The following VAT1L variants were observed in gnomAD, a reference collection of about 807,000 sequenced individuals.
The protein encoded by VAT1L is vesicle amine transport 1 like.
A neutral mutation model predicts 44.1 loss-of-function variants in VAT1L; 34 were observed. The ratio of observed to expected loss-of-function variants is 0.77; its 90% CI spans 0.59 to 1.03. The LOEUF (loss-of-function observed/expected upper bound fraction) is 1.03. Among genes scored for constraint, VAT1L ranks in the 50% least tolerant of loss-of-function variants. The pLI is 0.00. For missense variants in VAT1L, 615 were observed against 538.8 expected, an observed-to-expected ratio of 1.14 and a Z score of -1.40; for synonymous variants, 253 against 202.2, an observed-to-expected ratio of 1.25 and a Z score of -2.13.
Position 77,884,754 on chromosome 16 carries a change from C to A in VAT1L, c.1029C>A (p.Asn343Lys). 6.3e-7 allele frequency: 1 copy of A among 1,587,114 alleles called. No homozygotes were observed. Among genetic ancestry groups the A allele is most frequent in the South Asian group, 1.2e-5 (1 of 86,490 alleles). Residue 343 changes from asparagine to lysine, a missense_variant, in exon 7 of 9, where the codon AAC (asparagine) becomes AAA (lysine). Asn to Lys is a moderately conservative substitution (Grantham distance 94). Coordinates refer to ENST00000302536, the MANE Select transcript of VAT1L (RefSeq NM_020927.3). The surrounding 1 kb of genome is among the most constrained non-coding windows in gnomAD (Gnocchi z 4.5). ...GVVEKLIGLYNQKKIKPVVDS... is the reference protein window; with the variant it reads ...GVVEKLIGLYKQKKIKPVVDS... ...TGGAAAAACTCATAGGGCTCTACAA[C>A]CAGAAGAAGATCAAGCCTGTGGTGG... is the stretch of plus-strand genomic sequence containing the variant.
At chr16:77,838,795 TCTC>T (rs2016669077) in intron 3 of VAT1L, among the ~76,000 whole-genome samples, 1 of 151,654 alleles carries the variant, frequency 6.6e-6, no homozygotes, top group African/African-American at 2.4e-5. Flanking sequence ...TTTTTCTCTC[TCTC>T]ATTTCTTTCC....
intron 4 of VAT1L, among the ~76,000 whole-genome samples, chr16:77,864,489 T>G (rs1308349475): frequency 4.6e-5 from 7 of 152,048 alleles, no homozygotes; most frequent in African/African-American, 1.7e-4. Flanking sequence ...GCCTGTAGTC[T>G]CAGCTACTCA....
At chr16:77,823,942 G>C (rs1427250462) in intron 2 of VAT1L, among the ~76,000 whole-genome samples, 1 of 152,180 alleles carries the variant, frequency 6.6e-6, no homozygotes, top group Non-Finnish European at 1.5e-5. Context: ...ACAATCGCTT[G>C]TACCTGGGAG....
At chr16:77,891,380 G>T (rs1052810241) in intron 7 of VAT1L, among the ~76,000 whole-genome samples, 2 of 152,154 alleles carry the variant, frequency 1.3e-5, no homozygotes, top group African/African-American at 4.8e-5. Flanking sequence ...AAAAAATTCA[G>T]TTCCTCATGC....
intron 7 of VAT1L, among the ~76,000 whole-genome samples, chr16:77,891,996 C>T (rs1001523215): frequency 6.6e-6 from 1 of 152,114 alleles, no homozygotes; most frequent in Non-Finnish European, 1.5e-5. Flanking sequence ...CACTTGAACC[C>T]GGGAGGCGGA....
At chr16:77,834,284 G>C (rs2016615258) in intron 3 of VAT1L, among the ~76,000 whole-genome samples, 1 of 152,094 alleles carries the variant, frequency 6.6e-6, no homozygotes, top group African/African-American at 2.4e-5. Flanking sequence ...AAGGTGTGTG[G>C]CCCTTGCCTG....
chr16:77,856,122 G>A (rs773020403), intron 3 of VAT1L, among the ~76,000 whole-genome samples: 1 of 152,172 alleles, frequency 6.6e-6, no homozygotes, highest in Non-Finnish European at 1.5e-5. Flanking sequence ...TAAACCGGGA[G>A]AAAAGACAGG....
At chr16:77,860,459 C>T (rs2016904494) in intron 3 of VAT1L, among the ~76,000 whole-genome samples, 1 of 152,146 alleles carries the variant, frequency 6.6e-6, no homozygotes, top group Admixed American at 6.5e-5. Context: ...GCATTCATAG[C>T]ACAGTGCAAC....
chr16:77,970,051 TAAAA>T (rs36120858), intron 7 of VAT1L, among the ~76,000 whole-genome samples: 9 of 86,796 alleles, frequency 1.0e-4, no homozygotes, highest in Admixed American at 2.9e-4. Context: ...ACATCTCTAC[TAAAA>T]AAAAAAAAAA....
At chr16:77,874,484 T>A (rs1416370430) in intron 4 of VAT1L, among the ~76,000 whole-genome samples, 1 of 151,954 alleles carries the variant, frequency 6.6e-6, no homozygotes, top group Non-Finnish European at 1.5e-5. Context: ...CAAACACCCC[T>A]TTGTTTTCAT....
chr16:77,960,620 T>C (rs924214604), intron 7 of VAT1L, among the ~76,000 whole-genome samples: 1 of 152,078 alleles, frequency 6.6e-6, no homozygotes, highest in Non-Finnish European at 1.5e-5. Context: ...TCTAGCAGGA[T>C]CTCATTGGCC....
At chr16:77,844,630 A>G (rs1350225058) in intron 3 of VAT1L, among the ~76,000 whole-genome samples, 1 of 151,820 alleles carries the variant, frequency 6.6e-6, no homozygotes, top group Non-Finnish European at 1.5e-5. Context: ...GCTGGTCTCA[A>G]ACTCCTGACC....
chr16:77,825,016 G>A (rs1010967337), intron 2 of VAT1L, among the ~76,000 whole-genome samples: 6 of 151,558 alleles, frequency 4.0e-5, no homozygotes, highest in East Asian at 2.0e-4. Flanking sequence ...ACAGGCATGC[G>A]CCATCACGCC....
intron 7 of VAT1L, among the ~76,000 whole-genome samples, chr16:77,934,011 A>G (rs1236709541): frequency 6.6e-6 from 1 of 152,136 alleles, no homozygotes; most frequent in East Asian, 1.9e-4. Flanking sequence ...CTTTTCTATT[A>G]TTATTTCTGT....
At chr16:77,875,995 G>C (rs446889) in intron 4 of VAT1L, among the ~76,000 whole-genome samples, 149,189 of 152,290 alleles carry the variant, frequency 0.98, 73,164 homozygotes, top group East Asian at 1. Flanking sequence ...CTTTTGTTGC[G>C]TCATTTCATT....
At chr16:77,938,041 C>G (rs147622929) in intron 7 of VAT1L, among the ~76,000 whole-genome samples, 1 of 152,196 alleles carries the variant, frequency 6.6e-6, no homozygotes, top group Admixed American at 6.5e-5. Flanking sequence ...TTTTTATGAG[C>G]ACTGTTTACT....
At chr16:77,891,418 G>A (rs364537) in intron 7 of VAT1L, among the ~76,000 whole-genome samples, 39,725 of 152,092 alleles carry the variant, frequency 0.26, 5,641 homozygotes, top group African/African-American at 0.38. Context: ...AGTGCCCAGT[G>A]CAGCACAGCT....
chr16:77,887,552 G>C (rs2017221456), intron 7 of VAT1L, among the ~76,000 whole-genome samples: 1 of 152,162 alleles, frequency 6.6e-6, no homozygotes, highest in Non-Finnish European at 1.5e-5. Flanking sequence ...ACGTGAGGCA[G>C]CAAGACTCAT....
At chr16:77,838,120 T>G (rs930636233) in intron 3 of VAT1L, among the ~76,000 whole-genome samples, 4 of 152,198 alleles carry the variant, frequency 2.6e-5, no homozygotes, top group African/African-American at 9.7e-5. Flanking sequence ...ATGAAATAAT[T>G]AGACTTTAGG....
Sources: gnomAD v4.1 joint callset for allele counts (sites outside exome capture counted in the v4.1 genomes callset) on GRCh38, gnomAD v4.1.1 for gene constraint, Gnocchi (gnomAD v3.1) non-coding constraint, MANE v1.5 for transcripts, NCBI Gene and HGNC (gene_info 2026-07-23, HGNC 2026-07-21) for gene names.